The following CEP85 variants were observed in gnomAD, a reference collection of about 807,000 sequenced individuals.
CEP85 encodes centrosomal protein 85, also known as centrosomal protein of 85 kDa.
A neutral mutation model predicts 93.7 loss-of-function variants in CEP85; 58 were observed. The ratio of observed to expected loss-of-function variants is 0.62; its 90% CI spans 0.50 to 0.77. The LOEUF (loss-of-function observed/expected upper bound fraction) is 0.77. Ranked by LOEUF, CEP85 falls within the 30% of genes least tolerant of loss-of-function variation. The pLI is 0.00. For missense variants in CEP85, 868 were observed against 922.0 expected, an observed-to-expected ratio of 0.94 and a Z score of 0.76; for synonymous variants, 314 against 338.6, an observed-to-expected ratio of 0.93 and a Z score of 0.80.
chr1:26,249,116 C>A (rs1483264418), intron 3 of CEP85, among the ~76,000 whole-genome samples: 1 of 152,186 alleles, frequency 6.6e-6, no homozygotes, highest in Non-Finnish European at 1.5e-5. Flanking sequence ...GAGTCTCACT[C>A]TGTCACCCAG....
intron 12 of CEP85, among the ~76,000 whole-genome samples, chr1:26,276,083 CTG>C (rs1338297454): frequency 6.6e-6 from 1 of 152,208 alleles, no homozygotes; most frequent in Non-Finnish European, 1.5e-5. Flanking sequence ...CTCTGACACA[CTG>C]TGATCAGGCT....
At chr1:26,247,591 A>G (rs2089531125) in intron 3 of CEP85, among the ~76,000 whole-genome samples, 1 of 151,538 alleles carries the variant, frequency 6.6e-6, no homozygotes, top group Admixed American at 6.6e-5. Context: ...GGTAGTGGGG[A>G]CCACATCTAC....
chr1:26,270,071 C>T (rs908606799), intron 9 of CEP85, among the ~76,000 whole-genome samples: 9 of 152,144 alleles, frequency 5.9e-5, no homozygotes, highest in Admixed American at 3.9e-4. Context: ...CCACCGCGCC[C>T]GGCCAGGAAG....
chr1:26,268,413 A>G, intron 7 of CEP85, 70 bp from the exon 8 acceptor site: 1 of 1,574,038 alleles, frequency 6.4e-7, no homozygotes, highest in Non-Finnish European at 8.7e-7. Flanking sequence ...AGCTGAGATC[A>G]CAGCACTGCA....
rs939365191 is a variant in CEP85, at chr1:26,271,029, G to A, written c.1665G>A (p.Gln555=). 6.2e-7 allele frequency: 1 copy of A among 1,611,670 alleles called. No individual in the cohort carries two copies. Among genetic ancestry groups the A allele is most frequent in the Non-Finnish European group, 8.5e-7 (1 of 1,177,880 alleles). ...SSAGHSLQDK[Q]SVEETSGEGP... is the part of the protein sequence containing the mutation. ...TGTCTTTCAGCCTGCAAGATAAACA[G>A]TCTGTGGAGGAGACCAGTGGAGAAG... The change falls in exon 10 of 14, where the codon CAG becomes CAA. Residue 555 remains glutamine, a synonymous_variant. Coordinates refer to ENST00000451429, the MANE Select transcript of CEP85 (RefSeq NM_001319944.2).
chr1:26,251,920 T>G (rs891367679), intron 3 of CEP85, among the ~76,000 whole-genome samples: 2 of 152,128 alleles, frequency 1.3e-5, no homozygotes, highest in Non-Finnish European at 2.9e-5. Flanking sequence ...ACTATGGTGC[T>G]GTTATGGAGG....
intron 1 of CEP85, among the ~76,000 whole-genome samples, chr1:26,238,840 C>G (rs1042314122): frequency 6.6e-6 from 1 of 152,092 alleles, no homozygotes; most frequent in Non-Finnish European, 1.5e-5. Context: ...AGCACCTACC[C>G]CTAGTGTACT....
chr1:26,251,256 T>TTG (rs575717328), intron 3 of CEP85, among the ~76,000 whole-genome samples: 36 of 138,960 alleles, frequency 2.6e-4, no homozygotes, highest in South Asian at 2.0e-3. Flanking sequence ...GCTTGGTTTT[T>TTG]TTTTTTTTTT....
At chr1:26,273,923 A>AATAC in intron 11 of CEP85, among the ~76,000 whole-genome samples, 1 of 142,796 alleles carries the variant, frequency 7.0e-6, no homozygotes. Context: ...TAAATAAATA[A>AATAC]ATAAATAAAA....
At chr1:26,256,928 G>GTTTTGGTGTGTGTGTGTGTGTGTGT (rs199539021) in intron 4 of CEP85, among the ~76,000 whole-genome samples, 22 of 111,490 alleles carry the variant, frequency 2.0e-4, no homozygotes, top group African/African-American at 7.1e-4. Flanking sequence ...GTTTTGTTTT[G>GTTTTGGTGTGTGTGTGTGTGTGTGT]GTGTGTGTGT....
chr1:26,250,186 C>T (rs921638502), intron 3 of CEP85, among the ~76,000 whole-genome samples: 1 of 152,192 alleles, frequency 6.6e-6, no homozygotes, highest in African/African-American at 2.4e-5. Context: ...AACTCCTGGC[C>T]CGTGGACCAG....
At position 26,274,170 on chromosome 1, in the gene CEP85, C is replaced by T. The variant is rs1338761872; in HGVS notation, c.1795-794C>T. On this transcript the variant is annotated intron_variant, in intron 11 of 13. Coordinates refer to ENST00000451429, the MANE Select transcript of CEP85 (RefSeq NM_001319944.2). ...AAATATCTCCCTTCCCCTGACCGCTCCTACACACACAAACACAGACACACT... is the reference window on the plus strand; with the variant it reads ...AAATATCTCCCTTCCCCTGACCGCTTCTACACACACAAACACAGACACACT... 2.0e-5 allele frequency among the ~76,000 whole-genome samples: 3 copies of T among 150,050 alleles called. No individual in the cohort carries two copies. The South Asian group carries it at 6.3e-4, about 31-fold the overall frequency.
Position 26,234,251 on chromosome 1 carries a change from C to G in CEP85, c.-82C>G, listed in dbSNP as rs1557642974. 1 of 152,260 alleles carries G rather than the reference C, an allele frequency of 6.6e-6. No individual in the cohort carries two copies. Among genetic ancestry groups the G allele is most frequent in the Admixed American group, 6.5e-5 (1 of 15,292 alleles). 9.4% of individuals were successfully genotyped at this position (152,260 alleles called of 1,614,324 possible). On this transcript the variant is annotated 5_prime_UTR_variant, in exon 1 of 14. Coordinates refer to ENST00000451429, the MANE Select transcript of CEP85 (RefSeq NM_001319944.2). Reference sequence around the variant, plus strand: ...GGAGGGAACCACCGCTCACCGCAGACGTGGTGGCTGCAGTCAGTCTTCCCG... The same window carrying G: ...GGAGGGAACCACCGCTCACCGCAGAGGTGGTGGCTGCAGTCAGTCTTCCCG...
At chr1:26,263,975 T>G (rs912157963) in intron 7 of CEP85, among the ~76,000 whole-genome samples, 1 of 152,218 alleles carries the variant, frequency 6.6e-6, no homozygotes, top group African/African-American at 2.4e-5. Context: ...AAAGGTGGTC[T>G]TGGAACCAGT....
intron 4 of CEP85, among the ~76,000 whole-genome samples, chr1:26,257,234 A>G (rs1490107158): frequency 6.6e-6 from 1 of 152,026 alleles, no homozygotes; most frequent in Non-Finnish European, 1.5e-5. Context: ...CACCCAGCAT[A>G]TTTTCTTTTA....
chr1:26,269,628 T>TGGGACTGA lies in CEP85; in HGVS notation c.1649+16_1649+23dup. On this transcript the variant is annotated intron_variant, in intron 9 of 13. Coordinates refer to ENST00000451429, the MANE Select transcript of CEP85 (RefSeq NM_001319944.2). ...CGCTGGACATAGGTAAATAACCCTG[T>TGGGACTGA]GGGACTGAGAGGAGTGGAGAGTTAA... 6.2e-7 allele frequency: 1 copy of TGGGACTGA among 1,608,690 alleles called. No individual in the cohort carries two copies. The highest frequency in any genetic ancestry group is 8.5e-7 in the Non-Finnish European group (1 of 1,176,884).
At chr1:26,276,820 C>T in intron 13 of CEP85, 60 bp downstream of exon 13, 1 of 1,302,330 alleles carries the variant, frequency 7.7e-7, no homozygotes, top group South Asian at 1.3e-5. Context: ...CTTCTCTCCC[C>T]CATCCTGCTT....
At chr1:26,238,069 T>C (rs1333229613) in intron 1 of CEP85, among the ~76,000 whole-genome samples, 1 of 151,450 alleles carries the variant, frequency 6.6e-6, no homozygotes, top group East Asian at 1.9e-4. Context: ...TTATGTACTT[T>C]AGTGACCTCT....
In CEP85 at chr1:26,277,392, G is replaced by A. The variant is rs1250171789; in HGVS notation, c.*99G>A. 4.1e-6 allele frequency: 5 copies of A among 1,223,942 alleles called. No homozygotes were observed. Among genetic ancestry groups the A allele is most frequent in the South Asian group, 1.4e-5 (1 of 70,068 alleles). 75.8% of individuals were successfully genotyped at this position (1,223,942 alleles called of 1,614,324 possible). On this transcript the variant is annotated 3_prime_UTR_variant, in exon 14 of 14. Coordinates refer to ENST00000451429, the MANE Select transcript of CEP85 (RefSeq NM_001319944.2). ...TTCTCTTGTCTGCTATTCCCAGAGAGGTCTCAGAGGGGAGGGGAGAGCCTG... is the reference window on the plus strand; with the variant it reads ...TTCTCTTGTCTGCTATTCCCAGAGAAGTCTCAGAGGGGAGGGGAGAGCCTG...
Sources: allele counts gnomAD v4.1 joint callset (sites outside exome capture counted in the v4.1 genomes callset), GRCh38; gene constraint gnomAD v4.1.1; transcripts MANE v1.5; gene names NCBI Gene and HGNC (gene_info 2026-07-23, HGNC 2026-07-21).